EYS: variants seen among roughly 807,000 people sequenced by gnomAD.
The protein encoded by EYS is protein eyes shut homolog.
EYS carries 250 observed loss-of-function variants against 282.1 expected under a neutral mutation model. That is an observed-to-expected ratio of 0.89 (90% CI 0.80 to 0.98). The LOEUF (loss-of-function observed/expected upper bound fraction) is 0.98. Among genes scored for constraint, EYS ranks in the 50% least tolerant of loss-of-function variants. The pLI, the probability that EYS is intolerant of heterozygous loss-of-function variation, is 0.00. For missense variants in EYS, 4,016 were observed against 3,709.0 expected, an observed-to-expected ratio of 1.08 and a Z score of -2.15; for synonymous variants, 1,355 against 1,282.9, an observed-to-expected ratio of 1.06 and a Z score of -1.20.
intron 22 of EYS, among the ~76,000 whole-genome samples, chr6:64,774,200 C>T (rs1773610486): frequency 6.6e-6 from 1 of 151,908 alleles, no homozygotes; most frequent in African/African-American, 2.4e-5. Context: ...GAGGCTTTCC[C>T]AGGATTAATT....
intron 12 of EYS, among the ~76,000 whole-genome samples, chr6:65,180,594 G>A (rs1765352295): frequency 6.6e-6 from 1 of 152,078 alleles, no homozygotes; most frequent in Non-Finnish European, 1.5e-5. Flanking sequence ...ATGCTCATGG[G>A]TAGGAAGAAT....
chr6:64,988,190 A>G (rs554314779), intron 14 of EYS, among the ~76,000 whole-genome samples: 11 of 151,376 alleles, frequency 7.3e-5, no homozygotes, highest in African/African-American at 2.7e-4. Flanking sequence ...TGTGCCACTG[A>G]TAAGATTCAC....
chr6:65,133,498 C>T (rs1043705382), intron 12 of EYS, among the ~76,000 whole-genome samples: 6 of 151,754 alleles, frequency 4.0e-5, no homozygotes, highest in African/African-American at 9.7e-5. Flanking sequence ...ACCTGATGTT[C>T]TACAAAGCTG....
intron 1 of EYS, among the ~76,000 whole-genome samples, chr6:65,686,646 T>C (rs758179628): frequency 5.3e-5 from 8 of 152,156 alleles, no homozygotes; most frequent in African/African-American, 1.7e-4. Context: ...AAATGAACTT[T>C]TAAAATATCA....
chr6:65,511,186 G>A (rs1198718535), intron 2 of EYS, among the ~76,000 whole-genome samples: 1 of 152,150 alleles, frequency 6.6e-6, no homozygotes, highest in Admixed American at 6.5e-5. Context: ...TAAAAGAGCT[G>A]TAGGAAAATA....
chr6:64,256,472 C>T (rs1208665256), intron 30 of EYS, among the ~76,000 whole-genome samples: 1 of 152,018 alleles, frequency 6.6e-6, no homozygotes. Flanking sequence ...AGAGGTAGTG[C>T]TTGATATTTC....
At chr6:65,016,257 T>A (rs954502083) in intron 13 of EYS, among the ~76,000 whole-genome samples, 3 of 152,014 alleles carry the variant, frequency 2.0e-5, no homozygotes, top group Admixed American at 6.6e-5. Context: ...ATCAAACTAG[T>A]ACGTTACTTT....
intron 22 of EYS, among the ~76,000 whole-genome samples, chr6:64,773,749 T>C (rs1773595168): frequency 6.6e-6 from 1 of 152,080 alleles, no homozygotes; most frequent in South Asian, 2.1e-4. Context: ...TTTTTTCATA[T>C]GTATGTTGGC....
chr6:65,630,107 A>G (rs192860766), intron 2 of EYS, among the ~76,000 whole-genome samples: 1 of 152,336 alleles, frequency 6.6e-6, no homozygotes, highest in East Asian at 1.9e-4. Flanking sequence ...CACCTCATAA[A>G]TTCCACACAG....
chr6:64,628,845 G>A (rs889863995), intron 22 of EYS, among the ~76,000 whole-genome samples: 1 of 152,052 alleles, frequency 6.6e-6, no homozygotes, highest in Non-Finnish European at 1.5e-5. Context: ...TAATTTTAAG[G>A]ATAACAAAAA....
chr6:65,469,199 A>G (rs1486204709), intron 5 of EYS, among the ~76,000 whole-genome samples: 1 of 152,000 alleles, frequency 6.6e-6, no homozygotes, highest in African/African-American at 2.4e-5. Context: ...TTATTTGCCA[A>G]TTCTAGCGAC....
chr6:64,132,156 T>A (rs1665442922), intron 31 of EYS, among the ~76,000 whole-genome samples: 1 of 152,166 alleles, frequency 6.6e-6, no homozygotes, highest in Non-Finnish European at 1.5e-5. Context: ...TGAAACTAGA[T>A]GATTTGCTTT....
chr6:64,694,563 GA>G (rs965469312), intron 22 of EYS, among the ~76,000 whole-genome samples: 3 of 152,150 alleles, frequency 2.0e-5, no homozygotes, highest in African/African-American at 7.2e-5. Context: ...GCCAATAGAA[GA>G]CCATTCTTTA....
intron 31 of EYS, among the ~76,000 whole-genome samples, chr6:64,139,701 T>C (rs1355674849): frequency 3.3e-5 from 5 of 152,040 alleles, no homozygotes. Context: ...CTGGGCACGG[T>C]GGCTCACGTC....
chr6:65,522,413 T>A (rs1011358336), intron 2 of EYS, among the ~76,000 whole-genome samples: 1 of 151,990 alleles, frequency 6.6e-6, no homozygotes, highest in Non-Finnish European at 1.5e-5. Context: ...TCAGCCTGGG[T>A]AATGAAGTGA....
intron 28 of EYS, among the ~76,000 whole-genome samples, chr6:64,397,632 G>C (rs901355682): frequency 6.6e-6 from 1 of 151,726 alleles, no homozygotes; most frequent in East Asian, 1.9e-4. Context: ...CCATTTTTTG[G>C]TATGGTATTT....
intron 1 of EYS, among the ~76,000 whole-genome samples, chr6:65,644,469 CA>C (rs1767386141): frequency 6.6e-6 from 1 of 152,108 alleles, no homozygotes; most frequent in Admixed American, 6.5e-5. Context: ...GAAGAGAAAT[CA>C]AAAAGTTTGG....
intron 35 of EYS, among the ~76,000 whole-genome samples, chr6:63,906,193 A>C (rs773682880): frequency 1.2e-3 from 189 of 152,362 alleles, no homozygotes; most frequent in Non-Finnish European, 2.3e-3. Context: ...GTTATGAAGC[A>C]TAATTACTTT....
intron 19 of EYS, among the ~76,000 whole-genome samples, chr6:64,834,597 T>C (rs2812782): frequency 0.56 from 84,209 of 151,530 alleles, 24,139 homozygotes; most frequent in Non-Finnish European, 0.62. Context: ...GGTGCTTGCT[T>C]TAATCCTTAA....
Sources: allele counts gnomAD v4.1 joint callset (sites outside exome capture counted in the v4.1 genomes callset), GRCh38; gene constraint gnomAD v4.1.1; transcripts MANE v1.5; gene names NCBI Gene and HGNC (gene_info 2026-07-23, HGNC 2026-07-21).